KCNB2: variants seen among roughly 807,000 people sequenced by gnomAD.
KCNB2 encodes the protein delayed rectifier potassium channel protein.
Under a neutral mutation model 61.5 loss-of-function variants are expected in KCNB2, and 15 were observed. That is an observed-to-expected ratio of 0.24 (90% CI 0.16 to 0.38). The LOEUF (loss-of-function observed/expected upper bound fraction) is 0.38, where lower values mean the gene tolerates loss of function less well. Among genes scored for constraint, KCNB2 ranks in the 10% least tolerant of loss-of-function variants. The probability of loss-of-function intolerance (pLI) is 1.00; values close to 1 mark genes in which losing one functional copy is unlikely to be tolerated. For missense variants in KCNB2, 828 were observed against 1,125.2 expected (o/e 0.74, Z 3.78); for synonymous variants, 457 against 446.0 (o/e 1.02, Z -0.31).
chr8:72,913,215 A>C (rs1004087294), intron 2 of KCNB2, among the ~76,000 whole-genome samples: 6 of 152,136 alleles, frequency 3.9e-5, no homozygotes, highest in Admixed American at 2.0e-4. Context: ...ACCCTGGGCA[A>C]GTTAGGGGCA....
At chr8:72,734,395 C>A (rs1439751168) in intron 2 of KCNB2, among the ~76,000 whole-genome samples, 1 of 152,172 alleles carries the variant, frequency 6.6e-6, no homozygotes, top group Non-Finnish European at 1.5e-5. Context: ...TCCCCTAGTT[C>A]TTTCCAAAGA....
At chr8:72,544,293 G>C (rs1806229757) in intron 1 of KCNB2, among the ~76,000 whole-genome samples, 1 of 152,214 alleles carries the variant, frequency 6.6e-6, no homozygotes, top group South Asian at 2.1e-4. Flanking sequence ...GAAGAAGGTT[G>C]AGGATTAGAT....
chr8:72,713,574 C>T (rs1267181553), intron 2 of KCNB2, among the ~76,000 whole-genome samples: 1 of 152,220 alleles, frequency 6.6e-6, no homozygotes, highest in Admixed American at 6.5e-5. Flanking sequence ...CTCCAGCAAA[C>T]TCCAACAGAC....
intron 2 of KCNB2, among the ~76,000 whole-genome samples, chr8:72,794,265 G>A (rs578081155): frequency 3.3e-5 from 5 of 152,158 alleles, no homozygotes; most frequent in African/African-American, 9.6e-5. Context: ...TGACTTCTAC[G>A]GTTAAGGTTA....
At chr8:72,577,872 C>A (rs1314818893) in intron 2 of KCNB2, among the ~76,000 whole-genome samples, 1 of 152,154 alleles carries the variant, frequency 6.6e-6, no homozygotes, top group African/African-American at 2.4e-5. Flanking sequence ...TAGCTTTAAT[C>A]AATATACTAT....
chr8:72,619,471 C>T lies in KCNB2; in HGVS notation c.579+51158C>T, dbSNP rs535448397. On this transcript the variant is annotated intron_variant, in intron 2 of 2. Transcript: ENST00000523207. ...GTGTAAAATCTCTAATTCGTAGGTT[C>T]ACCTCATACTATGGGTATGAGATTT... 1.2e-4 allele frequency: 31 copies of T among 261,874 alleles called. No homozygotes were observed. The South Asian group carries it at 1.4e-3, about 12-fold the overall frequency. 16.2% of individuals were successfully genotyped at this position (261,874 alleles called of 1,614,324 possible).
At chr8:72,573,288 G>A (rs1253431332) in intron 2 of KCNB2, among the ~76,000 whole-genome samples, 1 of 152,060 alleles carries the variant, frequency 6.6e-6, no homozygotes, top group Non-Finnish European at 1.5e-5. Flanking sequence ...ATGAAGGAAG[G>A]CATTGGAACA....
At chr8:72,545,846 C>T (rs1806249754) in intron 1 of KCNB2, among the ~76,000 whole-genome samples, 1 of 152,072 alleles carries the variant, frequency 6.6e-6, no homozygotes, top group African/African-American at 2.4e-5. Flanking sequence ...AAATGTTACT[C>T]CAATGAATAC....
chr8:72,742,021 T>G (rs910831635), intron 2 of KCNB2, among the ~76,000 whole-genome samples: 2 of 152,216 alleles, frequency 1.3e-5, no homozygotes, highest in African/African-American at 4.8e-5. Context: ...AGTCACTGTA[T>G]GAAAAAGACA....
chr8:72,694,494 TAAC>T (rs1427384681), intron 2 of KCNB2, among the ~76,000 whole-genome samples: 1 of 152,182 alleles, frequency 6.6e-6, no homozygotes, highest in Non-Finnish European at 1.5e-5. Context: ...AGTTCTTAGT[TAAC>T]AACAATTTTT....
rs28693983 is a variant in KCNB2 at position 72,704,859 on chromosome 8, C to A, written c.579+136546C>A. 8.0e-3 allele frequency among the ~76,000 whole-genome samples: 1,211 copies of A among 152,248 alleles called. 14 individuals carry two copies. The highest frequency in any genetic ancestry group is 0.028 in the African/African-American group (1,155 of 41,554). ...AGTATTTGCATATAACCTATGCACACCCCCCTTATACTTTAAATCATCTCT... is the reference window on the plus strand; with the variant it reads ...AGTATTTGCATATAACCTATGCACAACCCCCTTATACTTTAAATCATCTCT... On this transcript the variant is annotated intron_variant, in intron 2 of 2. Transcript: ENST00000523207.
intron 2 of KCNB2, among the ~76,000 whole-genome samples, chr8:72,802,525 C>A (rs1809149626): frequency 6.6e-6 from 1 of 152,096 alleles, no homozygotes; most frequent in South Asian, 2.1e-4. Context: ...GTTTTTTAAT[C>A]AACTTAGAGG....
At chr8:72,732,534 G>T (rs903266284) in intron 2 of KCNB2, among the ~76,000 whole-genome samples, 3 of 152,194 alleles carry the variant, frequency 2.0e-5, no homozygotes, top group African/African-American at 7.2e-5. Flanking sequence ...TTAGTTGATA[G>T]CTAGATTTGT....
chr8:72,734,347 T>C (rs1807801623), intron 2 of KCNB2, among the ~76,000 whole-genome samples: 1 of 152,212 alleles, frequency 6.6e-6, no homozygotes, highest in African/African-American at 2.4e-5. Flanking sequence ...TTTCAAAATA[T>C]GTCCCCATTA....
At chr8:72,717,981 A>T (rs1807475283) in intron 2 of KCNB2, among the ~76,000 whole-genome samples, 1 of 151,748 alleles carries the variant, frequency 6.6e-6, no homozygotes, top group South Asian at 2.1e-4. Context: ...AAAACAAACA[A>T]CCCCATCAAA....
In KCNB2 at chr8:72,689,774, C is replaced by T. The variant is rs566513509; in HGVS notation, c.579+121461C>T. 3.6e-4 allele frequency among the ~76,000 whole-genome samples: 55 copies of T among 152,192 alleles called. 1 individual carries two copies. Among genetic ancestry groups the T allele is most frequent in the Admixed American group, 3.2e-3 (49 of 15,290 alleles). ...GATAGCATTCCATTATAGAATATAT[C>T]GCATTTTATCCATTCACCAGTTAGT... On this transcript the variant is annotated intron_variant, in intron 2 of 2. Transcript: ENST00000523207.
intron 2 of KCNB2, among the ~76,000 whole-genome samples, chr8:72,836,211 G>A (rs927505876): frequency 6.6e-6 from 1 of 152,188 alleles, no homozygotes; most frequent in Non-Finnish European, 1.5e-5. Flanking sequence ...TACTCAAAGT[G>A]TTCCCATCAC....
chr8:72,767,268 G>A lies in KCNB2; in HGVS notation c.580-168667G>A, dbSNP rs142161603. Among the ~76,000 whole-genome samples, 544 of 152,184 alleles carry A rather than the reference G, an allele frequency of 3.6e-3. 3 individuals are homozygous for A. The highest frequency in any genetic ancestry group is 0.013 in the African/African-American group (524 of 41,504). The stretch of plus-strand genomic sequence containing the variant: ...TTTTTTTAATATCTTTATTGATATA[G>A]TATTTACTATAAAATTCACTTATTT... On this transcript the variant is annotated intron_variant, in intron 2 of 2. Coordinates refer to ENST00000523207, the MANE Select transcript of KCNB2 (RefSeq NM_004770.3).
At chr8:72,907,724 C>T (rs1227561462) in intron 2 of KCNB2, among the ~76,000 whole-genome samples, 1 of 152,226 alleles carries the variant, frequency 6.6e-6, no homozygotes, top group Non-Finnish European at 1.5e-5. Flanking sequence ...CAGTAACTCT[C>T]TCTCTGCCTC....
Sources: gnomAD v4.1 joint callset for allele counts (sites outside exome capture counted in the v4.1 genomes callset) on GRCh38, gnomAD v4.1.1 for gene constraint, MANE v1.5 for transcripts, NCBI Gene and HGNC (gene_info 2026-07-23, HGNC 2026-07-21) for gene names.